Variants in FAM241A observed in about 807,000 individuals in gnomAD.
FAM241A encodes the protein uncharacterized protein FAM241A.
In FAM241A, 7 loss-of-function variants were observed where a neutral mutation model predicts 12.2. The ratio of observed to expected loss-of-function variants is 0.58; its 90% CI spans 0.33 to 1.08. FAM241A has a LOEUF of 1.08. Among genes scored for constraint, FAM241A ranks in the 50% least tolerant of loss-of-function variants. The pLI, the probability that FAM241A is intolerant of heterozygous loss-of-function variation, is 0.04. For missense variants in FAM241A, 161 were observed against 169.7 expected (o/e 0.95, Z 0.29); for synonymous variants, 74 against 68.2 (o/e 1.08, Z -0.42).
chr4:112,168,206 CAA>C (rs1723639441), intron 1 of FAM241A, among the ~76,000 whole-genome samples: 2 of 151,790 alleles, frequency 1.3e-5, no homozygotes, highest in Non-Finnish European at 2.9e-5. Flanking sequence ...CACTGTTTTT[CAA>C]AGAGTTTTTT....
intron 1 of FAM241A, among the ~76,000 whole-genome samples, chr4:112,155,989 G>T (rs1723346205): frequency 6.6e-6 from 1 of 152,136 alleles, no homozygotes; most frequent in South Asian, 2.1e-4. Context: ...CTAGTAAGTT[G>T]CAGAGTTGAG....
At chr4:112,183,857 T>A (rs1723990429) in intron 1 of FAM241A, among the ~76,000 whole-genome samples, 1 of 152,126 alleles carries the variant, frequency 6.6e-6, no homozygotes, top group Non-Finnish European at 1.5e-5. Flanking sequence ...AAGAAAGCTT[T>A]AATATTAGGC....
At chr4:112,179,375 G>A (rs1196399569) in intron 1 of FAM241A, among the ~76,000 whole-genome samples, 17 of 152,124 alleles carry the variant, frequency 1.1e-4, no homozygotes, top group African/African-American at 3.9e-4. Flanking sequence ...GTACTATGCA[G>A]CCATAAAAAA....
intron 1 of FAM241A, among the ~76,000 whole-genome samples, chr4:112,155,486 T>C (rs1018288393): frequency 6.6e-6 from 1 of 151,950 alleles, no homozygotes; most frequent in Non-Finnish European, 1.5e-5. Flanking sequence ...TAATTTTTCA[T>C]TTACTGATAA....
chr4:112,145,457 C>T lies in FAM241A; in HGVS notation c.-124C>T, dbSNP rs983496405. 3.0e-6 allele frequency: 3 copies of T among 1,002,942 alleles called. No individual in the cohort carries two copies. Among genetic ancestry groups the T allele is most frequent in the Non-Finnish European group, 3.8e-6 (3 of 794,180 alleles). The allele number at this position is 1,002,942 out of a possible 1,614,324, so 62.1% of individuals were successfully genotyped here. A position where few individuals can be genotyped will look rare whatever the true frequency, so the allele number is the denominator to read the frequency against. On this transcript the variant is annotated 5_prime_UTR_variant, in exon 1 of 2. Coordinates refer to ENST00000309733, the MANE Select transcript of FAM241A (RefSeq NM_152400.3). ...GGCGCCCAGGCCGGCGGGGCGCGCT[C>T]CGGCGGCTCCTGTCAGCGGCGGGTG... is the stretch of plus-strand genomic sequence containing the variant.
At chr4:112,181,492 A>G (rs1723941777) in intron 1 of FAM241A, among the ~76,000 whole-genome samples, 1 of 152,230 alleles carries the variant, frequency 6.6e-6, no homozygotes, top group Admixed American at 6.5e-5. Flanking sequence ...ATATCAGAGG[A>G]TATCAGTGGC....
At chr4:112,164,398 A>G (rs1478139577) in intron 1 of FAM241A, among the ~76,000 whole-genome samples, 1 of 151,810 alleles carries the variant, frequency 6.6e-6, no homozygotes, top group African/African-American at 2.4e-5. Context: ...AAACTGAACA[A>G]TGAGAACACT....
At chr4:112,169,321 A>G (rs1282511076) in intron 1 of FAM241A, among the ~76,000 whole-genome samples, 1 of 152,220 alleles carries the variant, frequency 6.6e-6, no homozygotes, top group Non-Finnish European at 1.5e-5. Flanking sequence ...GTGACTCATC[A>G]AACACACAAA....
At chr4:112,153,246 G>A (rs1360002181) in intron 1 of FAM241A, among the ~76,000 whole-genome samples, 1 of 152,042 alleles carries the variant, frequency 6.6e-6, no homozygotes, top group Non-Finnish European at 1.5e-5. Flanking sequence ...ATCCTTGAGA[G>A]GAAAAATACC....
In FAM241A at chr4:112,193,835, T is replaced by C. The variant is rs1315734585; in HGVS notation, c.*6897T>C. The C allele has an allele frequency of 6.6e-6, 1 of 150,604 alleles. No individual in the cohort carries two copies. Among genetic ancestry groups the C allele is most frequent in the Non-Finnish European group, 1.5e-5 (1 of 67,530 alleles). 9.3% of individuals were successfully genotyped at this position (150,604 alleles called of 1,614,324 possible). A position where few individuals can be genotyped will look rare whatever the true frequency, so the allele number is the denominator to read the frequency against. On this transcript the variant is annotated 3_prime_UTR_variant, in exon 2 of 2. Transcript: ENST00000309733. ...AGGATTGACTTGGCGATGCGGGCTC[T>C]TTTTTGGTTCCATATGAACTTTAAA...
chr4:112,150,051 A>G (rs529144646), intron 1 of FAM241A, among the ~76,000 whole-genome samples: 1 of 152,014 alleles, frequency 6.6e-6, no homozygotes, highest in African/African-American at 2.4e-5. Flanking sequence ...TCTTACAATC[A>G]GTTAAATATT....
intron 1 of FAM241A, among the ~76,000 whole-genome samples, chr4:112,151,034 A>C (rs1017856157): frequency 6.6e-6 from 1 of 152,232 alleles, no homozygotes; most frequent in Admixed American, 6.5e-5. Context: ...GCAGAACAGC[A>C]TTAATATAGT....
chr4:112,179,113 A>G (rs1050130441), intron 1 of FAM241A, among the ~76,000 whole-genome samples: 1 of 152,224 alleles, frequency 6.6e-6, no homozygotes, highest in African/African-American at 2.4e-5. Context: ...TTTGCTGTGC[A>G]GAAGCTCTTT....
intron 1 of FAM241A, among the ~76,000 whole-genome samples, chr4:112,177,911 T>C (rs568561551): frequency 1.3e-5 from 2 of 152,340 alleles, no homozygotes; most frequent in Non-Finnish European, 2.9e-5. Flanking sequence ...AATATTGATA[T>C]TACATTTAAG....
chr4:112,184,542 A>G lies in FAM241A; in HGVS notation c.154-2151A>G, dbSNP rs529531862. 5.3e-5 allele frequency among the ~76,000 whole-genome samples: 8 copies of G among 152,318 alleles called. No individual in the cohort carries two copies. The Middle Eastern group carries it at 0.01, about 194-fold the overall frequency. On this transcript the variant is annotated intron_variant, in intron 1 of 1. Coordinates refer to ENST00000309733, the MANE Select transcript of FAM241A (RefSeq NM_152400.3). Reference sequence around the variant, plus strand: ...AAACTGTCTCAAAAAAAAAAATTATATAAAAGTATAGCTCAAAAGTAAATC... The same window carrying G: ...AAACTGTCTCAAAAAAAAAAATTATGTAAAAGTATAGCTCAAAAGTAAATC...
intron 1 of FAM241A, among the ~76,000 whole-genome samples, chr4:112,179,943 ATGTGTGTG>A (rs35177969): frequency 7.7e-6 from 1 of 129,514 alleles, no homozygotes; most frequent in African/African-American, 2.9e-5. Flanking sequence ...ATATATGTAT[ATGTGTGTG>A]TGTGTGTGTA....
At chr4:112,179,679 C>T (rs1301038556) in intron 1 of FAM241A, among the ~76,000 whole-genome samples, 3 of 150,998 alleles carry the variant, frequency 2.0e-5, no homozygotes, top group African/African-American at 7.3e-5. Flanking sequence ...GCACGTTGTG[C>T]ACATGTACCC....
intron 1 of FAM241A, among the ~76,000 whole-genome samples, chr4:112,168,321 T>C (rs1291734166): frequency 6.6e-6 from 1 of 152,248 alleles, no homozygotes; most frequent in Non-Finnish European, 1.5e-5. Context: ...AAACTTTTTT[T>C]CCCTACTTAG....
rs1449003018 is a variant in FAM241A at position 112,190,078 on chromosome 4, A to G, written c.*3140A>G. ...GTTATCTTCTGACCAACAAATCTCT[A>G]TTTAATCATGTTTTGACCACAGAAA... On this transcript the variant is annotated 3_prime_UTR_variant, in exon 2 of 2. Transcript: ENST00000309733. 6.6e-6 allele frequency: 1 copy of G among 152,168 alleles called. No individual in the cohort carries two copies. Among genetic ancestry groups the G allele is most frequent in the Non-Finnish European group, 1.5e-5 (1 of 68,030 alleles). 9.4% of individuals were successfully genotyped at this position (152,168 alleles called of 1,614,324 possible). A position where few individuals can be genotyped will look rare whatever the true frequency, so the allele number is the denominator to read the frequency against.
Sources: gnomAD v4.1 joint callset for allele counts (sites outside exome capture counted in the v4.1 genomes callset) on GRCh38, gnomAD v4.1.1 for gene constraint, MANE v1.5 for transcripts, NCBI Gene and HGNC (gene_info 2026-07-23, HGNC 2026-07-21) for gene names.